RAPGEF5: variants seen among roughly 807,000 people sequenced by gnomAD.
RAPGEF5 encodes the protein Rap guanine nucleotide exchange factor 5.
RAPGEF5 carries 65 observed loss-of-function variants against 125.2 expected under a neutral mutation model. The ratio of observed to expected loss-of-function variants is 0.52; its 90% CI spans 0.43 to 0.64. RAPGEF5 has a LOEUF of 0.64. Among genes scored for constraint, RAPGEF5 ranks in the 30% least tolerant of loss-of-function variants. RAPGEF5 has a pLI of 0.00. For missense variants in RAPGEF5, 958 were observed against 1,048.1 expected (o/e 0.91, Z 1.19); for synonymous variants, 391 against 385.9 (o/e 1.01, Z -0.16).
At chr7:22,309,514 C>T (rs2128152789) in intron 4 of RAPGEF5, among the ~76,000 whole-genome samples, 1 of 152,266 alleles carries the variant, frequency 6.6e-6, no homozygotes, top group South Asian at 2.1e-4. Context: ...ACTTTCTGTT[C>T]AGTCTAAACA....
rs192776921 is a variant in RAPGEF5 at position 22,253,520 on chromosome 7, T to G, written c.796+13444A>C. On this transcript the variant is annotated intron_variant, in intron 7 of 25. Coordinates refer to ENST00000665637, the MANE Select transcript of RAPGEF5 (RefSeq NM_012294.5). ...TGAAAATACCACCAAAAAATAAGCA[T>G]AAACTTTTAATTACTTAAATACAGC... 8.1e-4 allele frequency among the ~76,000 whole-genome samples: 124 copies of G among 152,288 alleles called. 2 individuals are homozygous for G. Among genetic ancestry groups the G allele is most frequent in the African/African-American group, 2.9e-3 (122 of 41,562 alleles).
chr7:22,256,352 T>C (rs1483548224), intron 7 of RAPGEF5, among the ~76,000 whole-genome samples: 3 of 152,146 alleles, frequency 2.0e-5, no homozygotes, highest in East Asian at 3.8e-4. Context: ...AGTCCCAAGG[T>C]TGTGACTGAG....
intron 5 of RAPGEF5, among the ~76,000 whole-genome samples, chr7:22,295,413 A>C (rs998375383): frequency 3.9e-5 from 6 of 152,196 alleles, no homozygotes; most frequent in Non-Finnish European, 8.8e-5. Flanking sequence ...TTTGAGTATT[A>C]ATGTTTAATA....
chr7:22,302,710 G>A (rs150963137), intron 5 of RAPGEF5, among the ~76,000 whole-genome samples: 1 of 151,816 alleles, frequency 6.6e-6, no homozygotes, highest in East Asian at 1.9e-4. Flanking sequence ...AAGTTAACTA[G>A]AGAGACTTTT....
chr7:22,183,855 C>G (rs750145202), intron 11 of RAPGEF5, among the ~76,000 whole-genome samples: 1 of 152,172 alleles, frequency 6.6e-6, no homozygotes, highest in Non-Finnish European at 1.5e-5. Context: ...AGAAGAAAGT[C>G]CATAAACTGT....
In RAPGEF5 at chr7:22,220,183, T is replaced by C. The variant is rs77806044; in HGVS notation, c.871-192A>G. The C allele has an allele frequency of 1.7e-3, 1,100 of 659,770 alleles. 3 individuals carry two copies. In the Middle Eastern group the frequency reaches 0.021, roughly 13 times the overall value. 40.9% of individuals were successfully genotyped at this position (659,770 alleles called of 1,614,324 possible). A position where few individuals can be genotyped will look rare whatever the true frequency, so the allele number is the denominator to read the frequency against. Reference sequence around the variant, plus strand: ...ACCTAAGAGCACCATGCCAAAAGACTTAAAGTTGAGTCTGCGTATCACCCT... The same window carrying C: ...ACCTAAGAGCACCATGCCAAAAGACCTAAAGTTGAGTCTGCGTATCACCCT... On this transcript the variant is annotated intron_variant, in intron 8 of 25. Coordinates refer to ENST00000665637, the MANE Select transcript of RAPGEF5 (RefSeq NM_012294.5).
chr7:22,280,646 G>A (rs919542829), intron 6 of RAPGEF5, among the ~76,000 whole-genome samples: 2 of 152,182 alleles, frequency 1.3e-5, no homozygotes, highest in African/African-American at 4.8e-5. Flanking sequence ...CTTTTATCTT[G>A]TTGAGACTAG....
At chr7:22,246,375 T>C (rs529665697) in intron 7 of RAPGEF5, among the ~76,000 whole-genome samples, 18 of 152,122 alleles carry the variant, frequency 1.2e-4, no homozygotes, top group African/African-American at 3.9e-4. Context: ...GTTACAAAAA[T>C]AGACACAAAG....
At chr7:22,203,721 T>A (rs1402121414) in intron 9 of RAPGEF5, among the ~76,000 whole-genome samples, 1 of 152,092 alleles carries the variant, frequency 6.6e-6, no homozygotes, top group Non-Finnish European at 1.5e-5. Context: ...CCACTGAGAT[T>A]TTTTGAGCCA....
intron 14 of RAPGEF5, 54 bp from the exon 15 acceptor site, chr7:22,157,939 A>C: frequency 6.6e-7 from 1 of 1,524,650 alleles, no homozygotes; most frequent in Non-Finnish European, 9.1e-7. Context: ...AGAATAATGC[A>C]GTTATTGTTA....
At chr7:22,320,253 G>T (rs1252268401) in intron 1 of RAPGEF5, among the ~76,000 whole-genome samples, 6 of 152,146 alleles carry the variant, frequency 3.9e-5, no homozygotes, top group Non-Finnish European at 8.8e-5. Context: ...TGAGCATGGG[G>T]AGCCAGAGAG....
intron 9 of RAPGEF5, among the ~76,000 whole-genome samples, chr7:22,207,493 C>T (rs999850665): frequency 4.6e-5 from 7 of 152,098 alleles, no homozygotes; most frequent in African/African-American, 1.7e-4. Context: ...AGTGGTTTAT[C>T]ATTAAATTTT....
At chr7:22,207,439 A>G (rs1366639147) in intron 9 of RAPGEF5, among the ~76,000 whole-genome samples, 1 of 152,222 alleles carries the variant, frequency 6.6e-6, no homozygotes, top group African/African-American at 2.4e-5. Context: ...GGAAAGCCTC[A>G]GAATACAAAG....
intron 21 of RAPGEF5, among the ~76,000 whole-genome samples, chr7:22,138,033 ACG>A (rs1491279808): frequency 1.0e-4 from 15 of 144,378 alleles, no homozygotes; most frequent in African/African-American, 2.9e-4. Flanking sequence ...ACACACACAC[ACG>A]CACGCACGCA....
intron 17 of RAPGEF5, among the ~76,000 whole-genome samples, chr7:22,152,658 A>G (rs1297194894): frequency 6.6e-6 from 1 of 152,188 alleles, no homozygotes; most frequent in Non-Finnish European, 1.5e-5. Context: ...AACATCTCTG[A>G]TATCTTAAAA....
chr7:22,257,940 G>C (rs898599628), intron 7 of RAPGEF5, among the ~76,000 whole-genome samples: 2 of 152,028 alleles, frequency 1.3e-5, no homozygotes, highest in Non-Finnish European at 2.9e-5. Context: ...ATACTGCAAG[G>C]CTCTAATGAA....
At chr7:22,271,219 G>GA (rs1276337092) in intron 6 of RAPGEF5, among the ~76,000 whole-genome samples, 1 of 152,180 alleles carries the variant, frequency 6.6e-6, no homozygotes, top group Non-Finnish European at 1.5e-5. Flanking sequence ...AACTAAATCA[G>GA]AATCTCGGGA....
intron 5 of RAPGEF5, among the ~76,000 whole-genome samples, chr7:22,293,151 G>C (rs915211892): frequency 2.0e-5 from 3 of 152,190 alleles, no homozygotes; most frequent in Non-Finnish European, 4.4e-5. Flanking sequence ...CAATCACCAA[G>C]ATTTAAGCCC....
At chr7:22,200,721 G>A (rs973188986) in intron 9 of RAPGEF5, among the ~76,000 whole-genome samples, 1 of 152,144 alleles carries the variant, frequency 6.6e-6, no homozygotes, top group Non-Finnish European at 1.5e-5. Context: ...GAGAAAAACT[G>A]TATGTATTCA....
Sources: gnomAD v4.1 joint callset for allele counts (sites outside exome capture counted in the v4.1 genomes callset) on GRCh38, gnomAD v4.1.1 for gene constraint, MANE v1.5 for transcripts, NCBI Gene and HGNC (gene_info 2026-07-23, HGNC 2026-07-21) for gene names.